RASAL2: variants seen among roughly 807,000 people sequenced by gnomAD.
RASAL2 encodes RAS protein activator like 2, also known as ras GTPase-activating protein nGAP.
A neutral mutation model predicts 128.9 loss-of-function variants in RASAL2; 58 were observed. That is an observed-to-expected ratio of 0.45 (90% CI 0.36 to 0.56). The LOEUF (loss-of-function observed/expected upper bound fraction) is 0.56. Ranked by LOEUF, RASAL2 falls within the 20% of genes least tolerant of loss-of-function variation. The pLI, the probability that RASAL2 is intolerant of heterozygous loss-of-function variation, is 0.00. For missense variants in RASAL2, 1,360 were observed against 1,601.6 expected (o/e 0.85, Z 2.57); for synonymous variants, 561 against 580.8 (o/e 0.97, Z 0.49).
intron 1 of RASAL2, among the ~76,000 whole-genome samples, chr1:178,280,687 G>A (rs1021023939): frequency 6.6e-6 from 1 of 152,066 alleles, no homozygotes; most frequent in South Asian, 2.1e-4. Context: ...TTTTTGTAAT[G>A]AGGCCAGCAT....
chr1:178,195,570 G>A (rs755147901), intron 1 of RASAL2, among the ~76,000 whole-genome samples: 15 of 151,886 alleles, frequency 9.9e-5, no homozygotes, highest in South Asian at 2.1e-4. Flanking sequence ...AACCTACCTC[G>A]TAGAGTGCTG....
chr1:178,112,809 A>G (rs1412387172), intron 1 of RASAL2, among the ~76,000 whole-genome samples: 1 of 150,690 alleles, frequency 6.6e-6, no homozygotes, highest in Non-Finnish European at 1.5e-5. Flanking sequence ...ACCTAATGCT[A>G]GATGACGAGT....
At chr1:178,364,654 A>G (rs2102491393) in intron 3 of RASAL2, among the ~76,000 whole-genome samples, 2 of 152,344 alleles carry the variant, frequency 1.3e-5, no homozygotes, top group African/African-American at 4.8e-5. Context: ...AGCAGTGCTA[A>G]TCATAGGTAT....
intron 1 of RASAL2, among the ~76,000 whole-genome samples, chr1:178,105,510 G>A (rs770481185): frequency 6.6e-6 from 1 of 152,142 alleles, no homozygotes; most frequent in South Asian, 2.1e-4. Context: ...AGGTTTGTAG[G>A]AAAATTTGTT....
At position 178,250,234 on chromosome 1, in the gene RASAL2, C is replaced by G. The variant is rs73033471; in HGVS notation, c.203-33330C>G. Reference sequence around the variant, plus strand: ...GGAGATGGGAGTTTTATCAATAAGCCTCTTACTGGGGCTGCTGCCTTTCTT... The same window carrying G: ...GGAGATGGGAGTTTTATCAATAAGCGTCTTACTGGGGCTGCTGCCTTTCTT... On this transcript the variant is annotated intron_variant, in intron 1 of 17. Transcript: ENST00000367649. Among the ~76,000 whole-genome samples the G allele has an allele frequency of 1.0e-3, 154 of 152,286 alleles. 1 individual carries two copies. Among genetic ancestry groups the G allele is most frequent in the African/African-American group, 3.5e-3 (146 of 41,560 alleles).
intron 4 of RASAL2, among the ~76,000 whole-genome samples, chr1:178,395,425 C>T (rs1367279228): frequency 2.6e-5 from 4 of 152,138 alleles, no homozygotes; most frequent in Admixed American, 1.3e-4. Context: ...CTTTGTTACT[C>T]ACATACTAAT....
intron 1 of RASAL2, among the ~76,000 whole-genome samples, chr1:178,110,308 T>C (rs1407889537): frequency 1.3e-5 from 2 of 151,928 alleles, no homozygotes; most frequent in African/African-American, 4.8e-5. Flanking sequence ...AGGGGATTGG[T>C]TCCAGGGTCC....
intron 3 of RASAL2, among the ~76,000 whole-genome samples, chr1:178,344,826 A>G (rs1034977213): frequency 2.6e-5 from 4 of 152,326 alleles, no homozygotes; most frequent in Middle Eastern, 6.8e-3. Flanking sequence ...CTAGTGGACA[A>G]TGATTCAAGA....
intron 1 of RASAL2, among the ~76,000 whole-genome samples, chr1:178,122,515 A>G (rs1659753738): frequency 6.6e-6 from 1 of 152,216 alleles, no homozygotes. Context: ...TTCAGAAATG[A>G]CACTAGAAGT....
At chr1:178,377,171 A>G (rs897605648) in intron 3 of RASAL2, among the ~76,000 whole-genome samples, 1 of 152,130 alleles carries the variant, frequency 6.6e-6, no homozygotes, top group Non-Finnish European at 1.5e-5. Flanking sequence ...AAGTTTCTAA[A>G]TGACTCTGTT....
At chr1:178,218,086 T>G (rs1331804255) in intron 1 of RASAL2, among the ~76,000 whole-genome samples, 1 of 152,010 alleles carries the variant, frequency 6.6e-6, no homozygotes, top group East Asian at 1.9e-4. Context: ...TCACAGAAAT[T>G]CAGTCACATC....
chr1:178,341,577 C>T (rs745914003), intron 3 of RASAL2: 7 of 1,613,920 alleles, frequency 4.3e-6, no homozygotes, highest in Non-Finnish European at 4.2e-6. Context: ...CATGTTAGCA[C>T]ACCCAGAAAC....
chr1:178,238,588 CTGTGTGTA>C (rs1558133127), intron 1 of RASAL2, among the ~76,000 whole-genome samples: 1 of 151,894 alleles, frequency 6.6e-6, no homozygotes, highest in African/African-American at 2.4e-5. Context: ...TAAAATATTT[CTGTGTGTA>C]TGTGTGTATA....
intron 5 of RASAL2, among the ~76,000 whole-genome samples, chr1:178,436,086 GTTACTAATGCTA>G (rs1349677853): frequency 6.6e-6 from 1 of 151,920 alleles, no homozygotes; most frequent in East Asian, 1.9e-4. Context: ...GAAACTTGGG[GTTACTAATGCTA>G]TTACATTGAA....
At chr1:178,452,279 C>T (rs1677429943) in intron 10 of RASAL2, 137 bp from the exon 11 acceptor site, 1 of 747,336 alleles carries the variant, frequency 1.3e-6, no homozygotes, top group African/African-American at 1.7e-5. Flanking sequence ...TCAGGTAAAA[C>T]CTCATCCCGG....
At chr1:178,272,508 A>T (rs1361010046) in intron 1 of RASAL2, among the ~76,000 whole-genome samples, 1 of 151,904 alleles carries the variant, frequency 6.6e-6, no homozygotes. Context: ...CCTACTTGAT[A>T]CTCATAAATC....
chr1:178,292,056 A>AG (rs2102242344), intron 2 of RASAL2, among the ~76,000 whole-genome samples: 1 of 151,462 alleles, frequency 6.6e-6, no homozygotes, highest in Admixed American at 6.6e-5. Flanking sequence ...AAAAAAAAAA[A>AG]AGAATTATAA....
At chr1:178,385,547 TAAAA>T (rs566993031) in intron 3 of RASAL2, among the ~76,000 whole-genome samples, 7 of 146,294 alleles carry the variant, frequency 4.8e-5, no homozygotes, top group African/African-American at 1.5e-4. Flanking sequence ...ATTTTAGAGT[TAAAA>T]AAAAAAAGTC....
chr1:178,233,371 C>T (rs539791760), intron 1 of RASAL2, among the ~76,000 whole-genome samples: 23 of 152,278 alleles, frequency 1.5e-4, no homozygotes, highest in African/African-American at 5.5e-4. Context: ...TATGCAGATT[C>T]AGAGATAGGA....
Sources: allele counts gnomAD v4.1 joint callset (sites outside exome capture counted in the v4.1 genomes callset), GRCh38; gene constraint gnomAD v4.1.1; transcripts MANE v1.5; gene names NCBI Gene and HGNC (gene_info 2026-07-23, HGNC 2026-07-21).